CNTNAP5: variants seen among roughly 807,000 people sequenced by gnomAD.
The protein encoded by CNTNAP5 is contactin associated protein family member 5.
A neutral mutation model predicts 150.2 loss-of-function variants in CNTNAP5; 72 were observed. That is an observed-to-expected ratio of 0.48 (90% CI 0.40 to 0.58). The LOEUF (loss-of-function observed/expected upper bound fraction) is 0.58. CNTNAP5 is among the 20% of genes least tolerant of loss of function. The pLI is 0.00. For synonymous variants in CNTNAP5, 672 were observed against 619.8 expected, an observed-to-expected ratio of 1.08 and a Z score of -1.25; for missense variants, 1,636 against 1,626.2, an observed-to-expected ratio of 1.01 and a Z score of -0.10.
Position 124,025,866 on chromosome 2 carries a change from G to A in CNTNAP5, c.82+134G>A, listed in dbSNP as rs1680873413. On this transcript the variant is annotated intron_variant, in intron 1 of 23. Coordinates refer to ENST00000682447, the MANE Select transcript of CNTNAP5 (RefSeq NM_001367498.1). ...ACGGAAAAAAAATGCTGATCAGTGT[G>A]GTTCCATCACTCCAACCATCCCAAA... 9 of 769,868 alleles carry A rather than the reference G, an allele frequency of 1.2e-5. No homozygotes were observed. In the South Asian group the frequency reaches 1.4e-4, roughly 12 times the overall value. The allele number at this position is 769,868 out of a possible 1,614,324, so 47.7% of individuals were successfully genotyped here. A position where few individuals can be genotyped will look rare whatever the true frequency, so the allele number is the denominator to read the frequency against.
At chr2:124,716,680 C>A (rs930809725) in intron 13 of CNTNAP5, among the ~76,000 whole-genome samples, 4 of 151,936 alleles carry the variant, frequency 2.6e-5, no homozygotes, top group African/African-American at 9.7e-5. Flanking sequence ...TGCTTGATAT[C>A]GAGGATGCCT....
chr2:124,405,691 A>T (rs184496986), intron 3 of CNTNAP5, among the ~76,000 whole-genome samples: 78 of 152,338 alleles, frequency 5.1e-4, no homozygotes, highest in Non-Finnish European at 7.9e-4. Context: ...GTGGCCTCAC[A>T]CTGTCAAGAA....
intron 12 of CNTNAP5, among the ~76,000 whole-genome samples, chr2:124,631,693 A>G (rs1260473994): frequency 6.6e-6 from 1 of 152,222 alleles, no homozygotes; most frequent in African/African-American, 2.4e-5. Flanking sequence ...TGCCAAAAGC[A>G]ATTACAACAA....
intron 11 of CNTNAP5, among the ~76,000 whole-genome samples, chr2:124,605,873 A>G (rs1697096858): frequency 6.6e-6 from 1 of 151,020 alleles, no homozygotes; most frequent in Admixed American, 6.6e-5. Flanking sequence ...GAATTATTAT[A>G]TTTAACTTTT....
intron 17 of CNTNAP5, among the ~76,000 whole-genome samples, chr2:124,786,394 AGAAAGAAGGAAGGAAG>A (rs1306672597): frequency 3.9e-3 from 240 of 62,002 alleles, no homozygotes; most frequent in African/African-American, 0.013. Context: ...AAAGAAAGAA[AGAAAGAAGGAAGGAAG>A]GAAGGAAGGA....
intron 12 of CNTNAP5, among the ~76,000 whole-genome samples, chr2:124,642,291 G>A (rs777879379): frequency 1.9e-4 from 29 of 152,110 alleles, no homozygotes; most frequent in Non-Finnish European, 3.1e-4. Flanking sequence ...TTATTGTTGA[G>A]TGTGCGTGTG....
chr2:124,236,900 G>A (rs1686762528), intron 2 of CNTNAP5, among the ~76,000 whole-genome samples: 1 of 152,172 alleles, frequency 6.6e-6, no homozygotes, highest in Non-Finnish European at 1.5e-5. Context: ...GACGAGGCGG[G>A]TGGATCACCT....
intron 17 of CNTNAP5, among the ~76,000 whole-genome samples, chr2:124,784,730 G>A (rs1681527819): frequency 6.6e-6 from 1 of 152,096 alleles, no homozygotes. Flanking sequence ...AGAATTTTAG[G>A]GCAAGGAGCT....
intron 5 of CNTNAP5, among the ~76,000 whole-genome samples, chr2:124,441,856 C>CAT (rs144122316): frequency 0.055 from 7,985 of 145,312 alleles, 225 homozygotes; most frequent in African/African-American, 0.087. Context: ...TATCTTTGGG[C>CAT]ATATATATAT....
intron 13 of CNTNAP5, among the ~76,000 whole-genome samples, chr2:124,673,688 T>C (rs1261944797): frequency 2.6e-5 from 4 of 151,800 alleles, no homozygotes; most frequent in Non-Finnish European, 4.4e-5. Flanking sequence ...AATAATCACG[T>C]ATTATTTTTC....
chr2:124,335,792 C>A (rs1689452731), intron 3 of CNTNAP5, among the ~76,000 whole-genome samples: 1 of 151,882 alleles, frequency 6.6e-6, no homozygotes, highest in Non-Finnish European at 1.5e-5. Flanking sequence ...ACTGTAGTTT[C>A]AAGTGGATCA....
rs531741999 is a variant in CNTNAP5 at position 124,843,111 on chromosome 2, T to A, written c.3218-22195T>A. Among the ~76,000 whole-genome samples, 53 of 152,232 alleles carry A rather than the reference T, an allele frequency of 3.5e-4. No individual in the cohort carries two copies. In the South Asian group the frequency reaches 0.011, roughly 31 times the overall value. Reference sequence around the variant, plus strand: ...ATTGTATCATTCTTATGCCTTTGCATCATCATAGCTTAGCTCCCACTTATA... The same window carrying A: ...ATTGTATCATTCTTATGCCTTTGCAACATCATAGCTTAGCTCCCACTTATA... On this transcript the variant is annotated intron_variant, in intron 19 of 23. Coordinates refer to ENST00000682447, the MANE Select transcript of CNTNAP5 (RefSeq NM_001367498.1).
At chr2:124,215,885 C>T (rs1042212858) in intron 1 of CNTNAP5, among the ~76,000 whole-genome samples, 1 of 152,052 alleles carries the variant, frequency 6.6e-6, no homozygotes, top group Non-Finnish European at 1.5e-5. Context: ...TAATGGTTAC[C>T]TGCCTTCTGC....
At chr2:124,677,170 C>T (rs111596259) in intron 13 of CNTNAP5, among the ~76,000 whole-genome samples, 3,244 of 152,150 alleles carry the variant, frequency 0.021, 45 homozygotes, top group Middle Eastern at 0.037. Context: ...GGTGGGTTCA[C>T]GGTCTCACTG....
intron 3 of CNTNAP5, among the ~76,000 whole-genome samples, chr2:124,298,805 C>A (rs2104643474): frequency 6.6e-6 from 1 of 152,246 alleles, no homozygotes; most frequent in East Asian, 1.9e-4. Flanking sequence ...TCTTGGTGGG[C>A]TTTTGTTACC....
chr2:124,370,726 A>T (rs188885666), intron 3 of CNTNAP5, among the ~76,000 whole-genome samples: 306 of 152,220 alleles, frequency 2.0e-3, no homozygotes, highest in Non-Finnish European at 3.7e-3. Context: ...TTGGCTGGAG[A>T]TTGAGTGTGC....
chr2:124,631,197 C>T lies in CNTNAP5; in HGVS notation c.1877-16561C>T, dbSNP rs904748803. 4.6e-5 allele frequency among the ~76,000 whole-genome samples: 7 copies of T among 152,194 alleles called. No homozygotes were observed. The South Asian group carries it at 8.3e-4, about 18-fold the overall frequency. ...GCTATTTCCATTAAACTACCATTGA[C>T]GTTCTTCACAAAATTACAAATAACT... On this transcript the variant is annotated intron_variant, in intron 12 of 23. Coordinates refer to ENST00000682447, the MANE Select transcript of CNTNAP5 (RefSeq NM_001367498.1).
intron 3 of CNTNAP5, among the ~76,000 whole-genome samples, chr2:124,347,285 G>A (rs1332664395): frequency 2.0e-5 from 3 of 152,102 alleles, no homozygotes; most frequent in African/African-American, 7.2e-5. Flanking sequence ...TAGCTAAGGC[G>A]TTCTCCAGTA....
intron 1 of CNTNAP5, among the ~76,000 whole-genome samples, chr2:124,100,856 C>A: frequency 8.1e-6 from 1 of 123,364 alleles, no homozygotes; most frequent in East Asian, 2.3e-4. Flanking sequence ...AAAAGTGAGA[C>A]TCTGTCTCAA....
Sources: allele counts gnomAD v4.1 joint callset (sites outside exome capture counted in the v4.1 genomes callset), GRCh38; gene constraint gnomAD v4.1.1; transcripts MANE v1.5; gene names NCBI Gene and HGNC (gene_info 2026-07-23, HGNC 2026-07-21).